FRMD4A: variants seen among roughly 807,000 people sequenced by gnomAD.
FRMD4A encodes FERM domain containing 4A.
A neutral mutation model predicts 129.1 loss-of-function variants in FRMD4A; 29 were observed. That is an observed-to-expected ratio of 0.22 (90% CI 0.17 to 0.31). The LOEUF is 0.31. Among genes scored for constraint, FRMD4A ranks in the 10% least tolerant of loss-of-function variants. The pLI, the probability that FRMD4A is intolerant of heterozygous loss-of-function variation, is 1.00. For missense variants in FRMD4A, 1,272 were observed against 1,375.8 expected, an observed-to-expected ratio of 0.92 and a Z score of 1.19; for synonymous variants, 634 against 571.6, an observed-to-expected ratio of 1.11 and a Z score of -1.56.
intron 8 of FRMD4A, among the ~76,000 whole-genome samples, chr10:13,754,243 C>T (rs1307274066): frequency 1.3e-5 from 2 of 151,492 alleles, no homozygotes; most frequent in Non-Finnish European, 2.9e-5. Context: ...TTCCTCCTTA[C>T]TTGGCTTCTA....
At chr10:13,959,982 C>G (rs1049164964) in intron 2 of FRMD4A, among the ~76,000 whole-genome samples, 6 of 152,202 alleles carry the variant, frequency 3.9e-5, no homozygotes, top group African/African-American at 1.4e-4. Flanking sequence ...ACAGGCAAAT[C>G]ACAAAATGCT....
chr10:14,204,194 T>A (rs1589163248), intron 2 of FRMD4A, among the ~76,000 whole-genome samples: 1 of 151,894 alleles, frequency 6.6e-6, no homozygotes, highest in South Asian at 2.1e-4. Flanking sequence ...GAGGCCGAGG[T>A]GGGAGGATTG....
chr10:13,688,377 C>T (rs2085304416), intron 15 of FRMD4A, among the ~76,000 whole-genome samples: 1 of 151,964 alleles, frequency 6.6e-6, no homozygotes, highest in South Asian at 2.1e-4. Flanking sequence ...GGGAACATCA[C>T]ACACTGGGGA....
chr10:13,941,144 C>A (rs2095288829), intron 2 of FRMD4A, among the ~76,000 whole-genome samples: 1 of 152,150 alleles, frequency 6.6e-6, no homozygotes, highest in Non-Finnish European at 1.5e-5. Context: ...TTGTAGCTCC[C>A]ATAATTCCCA....
chr10:14,065,003 T>C (rs938639027), intron 2 of FRMD4A, among the ~76,000 whole-genome samples: 1 of 152,226 alleles, frequency 6.6e-6, no homozygotes, highest in African/African-American at 2.4e-5. Context: ...ATTTATTGAC[T>C]ACCATACTGT....
chr10:14,182,114 T>C (rs1337059017), intron 2 of FRMD4A, among the ~76,000 whole-genome samples: 1 of 152,210 alleles, frequency 6.6e-6, no homozygotes, highest in African/African-American at 2.4e-5. Flanking sequence ...CCAACACTAC[T>C]ACCAAACTGC....
chr10:14,072,229 TTTAGG>T lies in FRMD4A; in HGVS notation c.46-213322_46-213318del, dbSNP rs569404960. Reference sequence around the variant, plus strand: ...AAATGGATATGAAGACACGAGGCAATTTAGGGTCACGGAGATGCTCGGCTGAGTTC... The same window carrying T: ...AAATGGATATGAAGACACGAGGCAATGTCACGGAGATGCTCGGCTGAGTTC... On this transcript the variant is annotated intron_variant, in intron 2 of 24. Coordinates refer to ENST00000357447, the MANE Select transcript of FRMD4A (RefSeq NM_018027.5). 6.6e-5 allele frequency among the ~76,000 whole-genome samples: 10 copies of T among 152,242 alleles called. No homozygotes were observed. In the East Asian group the frequency reaches 1.9e-3, roughly 29 times the overall value.
chr10:14,103,706 A>G (rs2131779296), intron 2 of FRMD4A, among the ~76,000 whole-genome samples: 1 of 152,334 alleles, frequency 6.6e-6, no homozygotes, highest in Admixed American at 6.5e-5. Context: ...TGCTAAGATA[A>G]GGCAGCACAC....
rs770005593 is a variant in FRMD4A at position 13,644,141 on chromosome 10, TAATAA to T, written c.*2892_*2896del. On this transcript the variant is annotated 3_prime_UTR_variant, in exon 25 of 25. Transcript: ENST00000357447. Reference sequence around the variant, plus strand: ...AACAGTTTCAACACTCACCTGCATATAATAAAATAAAAAATCAACCTGGCTCACAA... The same window carrying T: ...AACAGTTTCAACACTCACCTGCATATAATAAAAAATCAACCTGGCTCACAA... 14 of 152,500 alleles carry T rather than the reference TAATAA, an allele frequency of 9.2e-5. No homozygotes were observed. The highest frequency in any genetic ancestry group is 4.1e-4 in the South Asian group (2 of 4,834). 9.4% of individuals were successfully genotyped at this position (152,500 alleles called of 1,614,324 possible). A position where few individuals can be genotyped will look rare whatever the true frequency, so the allele number is the denominator to read the frequency against.
At chr10:14,322,517 C>A (rs980644377) in intron 2 of FRMD4A, among the ~76,000 whole-genome samples, 7 of 152,192 alleles carry the variant, frequency 4.6e-5, no homozygotes, top group Non-Finnish European at 1.5e-5. Context: ...CATTAGCGTA[C>A]AGATGACAGG....
At chr10:14,169,179 C>T (rs1589118623) in intron 2 of FRMD4A, among the ~76,000 whole-genome samples, 2 of 152,092 alleles carry the variant, frequency 1.3e-5, no homozygotes, top group East Asian at 3.9e-4. Flanking sequence ...GGAAGAATCC[C>T]TTTTCAGGTA....
chr10:13,910,853 C>T (rs935009975), intron 2 of FRMD4A, among the ~76,000 whole-genome samples: 4 of 127,402 alleles, frequency 3.1e-5, no homozygotes, highest in African/African-American at 1.2e-4. Context: ...GCATCATTCA[C>T]CAACACCATC....
chr10:13,670,080 C>A, intron 17 of FRMD4A, among the ~76,000 whole-genome samples: 1 of 152,206 alleles, frequency 6.6e-6, no homozygotes, highest in Non-Finnish European at 1.5e-5. Flanking sequence ...CTCTCAGTCA[C>A]TGAGGGCTGA....
At chr10:14,242,275 C>T (rs1365395128) in intron 2 of FRMD4A, among the ~76,000 whole-genome samples, 1 of 152,146 alleles carries the variant, frequency 6.6e-6, no homozygotes, top group Non-Finnish European at 1.5e-5. Context: ...TTTCTTTATT[C>T]CCCAAGTGTT....
chr10:13,662,340 A>C (rs1234287613), intron 19 of FRMD4A, among the ~76,000 whole-genome samples: 1 of 152,202 alleles, frequency 6.6e-6, no homozygotes, highest in African/African-American at 2.4e-5. Context: ...CATCAAGAGC[A>C]ATCATTATTA....
At chr10:14,007,799 C>T (rs1203470131) in intron 2 of FRMD4A, among the ~76,000 whole-genome samples, 2 of 152,272 alleles carry the variant, frequency 1.3e-5, no homozygotes, top group Admixed American at 6.5e-5. Flanking sequence ...AAGTTTCCAT[C>T]CCAATCTTTT....
At chr10:14,083,219 C>G (rs1054823698) in intron 2 of FRMD4A, 5 of 152,242 alleles carry the variant, frequency 3.3e-5, no homozygotes, top group Non-Finnish European at 7.3e-5. Context: ...TGAATGACAG[C>G]TGACATGTTT....
At chr10:14,244,487 T>C (rs925871276) in intron 2 of FRMD4A, among the ~76,000 whole-genome samples, 1 of 152,092 alleles carries the variant, frequency 6.6e-6, no homozygotes, top group African/African-American at 2.4e-5. Context: ...ACATGAGGAG[T>C]CATGGTAGGC....
chr10:13,785,581 C>CT, intron 5 of FRMD4A, among the ~76,000 whole-genome samples: 1 of 151,788 alleles, frequency 6.6e-6, no homozygotes, highest in Non-Finnish European at 1.5e-5. Context: ...ATTTGATTTT[C>CT]TTTTTTAAAT....
Sources: gnomAD v4.1 joint callset for allele counts (sites outside exome capture counted in the v4.1 genomes callset) on GRCh38, gnomAD v4.1.1 for gene constraint, MANE v1.5 for transcripts, NCBI Gene and HGNC (gene_info 2026-07-23, HGNC 2026-07-21) for gene names.